HSPA4L: variants seen among roughly 807,000 people sequenced by gnomAD.
The protein encoded by HSPA4L is heat shock 70 kDa protein 4L.
In HSPA4L, 48 loss-of-function variants were observed where a neutral mutation model predicts 100.3. That is an observed-to-expected ratio of 0.48 (90% CI 0.38 to 0.61). HSPA4L has a LOEUF of 0.61. Ranked by LOEUF, HSPA4L falls within the 20% of genes least tolerant of loss-of-function variation. The pLI, the probability that HSPA4L is intolerant of heterozygous loss-of-function variation, is 0.00. For missense variants in HSPA4L, 886 were observed against 988.6 expected, an observed-to-expected ratio of 0.90 and a Z score of 1.39; for synonymous variants, 319 against 328.2, an observed-to-expected ratio of 0.97 and a Z score of 0.30.
chr4:127,808,081 G>C lies in HSPA4L; in HGVS notation c.1330G>C (p.Ala444Pro). 3 of 1,612,630 alleles carry C rather than the reference G, an allele frequency of 1.9e-6. No individual in the cohort carries two copies. The highest frequency in any genetic ancestry group is 2.5e-6 in the Non-Finnish European group (3 of 1,179,090). ...FHKKEPFELE[A>P]FYTNLHEVPY... ...CAAGAAGGAACCATTTGAACTAGAA[G>C]CATTTTATACTAATTTACATGAAGT... is the stretch of plus-strand genomic sequence containing the variant. The change falls in exon 11 of 19, where the codon GCA becomes CCA. Residue 444 changes from alanine to proline, a missense_variant. Coordinates refer to ENST00000296464, the MANE Select transcript of HSPA4L (RefSeq NM_014278.4).
At chr4:127,788,908 C>G (rs1263742295) in intron 1 of HSPA4L, among the ~76,000 whole-genome samples, 1 of 152,152 alleles carries the variant, frequency 6.6e-6, no homozygotes, top group Non-Finnish European at 1.5e-5. Flanking sequence ...TGATTTAAAC[C>G]TATGGATTAC....
Position 127,791,794 on chromosome 4 carries a change from C to T in HSPA4L, c.108-2283C>T, listed in dbSNP as rs147994534. ...TTCCTTGGGTAAGCCTTTCCTGACTCTCCTCCTCTAGGTTAATTCTTGCTG... is the reference window on the plus strand; with the variant it reads ...TTCCTTGGGTAAGCCTTTCCTGACTTTCCTCCTCTAGGTTAATTCTTGCTG... On this transcript the variant is annotated intron_variant, in intron 1 of 18. Coordinates refer to ENST00000296464, the MANE Select transcript of HSPA4L (RefSeq NM_014278.4). Among the ~76,000 whole-genome samples the T allele has an allele frequency of 8.5e-5, 13 of 152,308 alleles. 1 individual carries two copies. The East Asian group carries it at 2.5e-3, about 29-fold the overall frequency.
intron 4 of HSPA4L, among the ~76,000 whole-genome samples, chr4:127,799,850 A>T (rs189067591): frequency 6.6e-6 from 1 of 152,316 alleles, no homozygotes; most frequent in Non-Finnish European, 1.5e-5. Flanking sequence ...TGCTCAATGA[A>T]TATTAAATGA....
intron 14 of HSPA4L, among the ~76,000 whole-genome samples, chr4:127,821,540 T>C (rs1733814679): frequency 6.6e-6 from 1 of 152,152 alleles, no homozygotes; most frequent in African/African-American, 2.4e-5. Context: ...TACTTTTTAT[T>C]TTTACCCTCA....
intron 17 of HSPA4L, among the ~76,000 whole-genome samples, chr4:127,830,354 G>A (rs1042720380): frequency 6.6e-6 from 1 of 151,986 alleles, no homozygotes; most frequent in Non-Finnish European, 1.5e-5. Flanking sequence ...CCATTTCCTT[G>A]CAACTTCTTC....
chr4:127,806,320 C>A (rs1733356562), intron 10 of HSPA4L, among the ~76,000 whole-genome samples: 1 of 151,850 alleles, frequency 6.6e-6, no homozygotes, highest in South Asian at 2.1e-4. Flanking sequence ...CATATTTTTG[C>A]TATTTTAAAC....
chr4:127,783,800 C>G, intron 1 of HSPA4L: 1 of 863,798 alleles, frequency 1.2e-6, no homozygotes, highest in African/African-American at 1.7e-5. Flanking sequence ...CTATGGAAAG[C>G]TTTAAAATAT....
At chr4:127,788,405 G>A (rs1732777485) in intron 1 of HSPA4L, among the ~76,000 whole-genome samples, 1 of 152,074 alleles carries the variant, frequency 6.6e-6, no homozygotes, top group Admixed American at 6.5e-5. Context: ...TTTTTTTAGA[G>A]CATTCTTCCC....
At chr4:127,797,481 A>G (rs1733053460) in intron 3 of HSPA4L, among the ~76,000 whole-genome samples, 1 of 152,188 alleles carries the variant, frequency 6.6e-6, no homozygotes, top group African/African-American at 2.4e-5. Flanking sequence ...AAGCTAGTAG[A>G]AAAAGCTTTG....
rs750485869 is a variant in HSPA4L at position 127,823,629 on chromosome 4, A to AT, written c.2046+12dup. 8.2e-6 allele frequency: 13 copies of AT among 1,585,932 alleles called. No homozygotes were observed. The highest frequency in any genetic ancestry group is 6.7e-5 in the African/African-American group (5 of 74,294). The stretch of plus-strand genomic sequence containing the variant: ...GATAAGCTTCAAGAACTAAAGGTAC[A>AT]TTTTTTTAAAGTCCATGTTAGTATA... On this transcript the variant is annotated splice_donor_region_variant and intron_variant, in intron 16 of 18. Coordinates refer to ENST00000296464, the MANE Select transcript of HSPA4L (RefSeq NM_014278.4).
intron 12 of HSPA4L, among the ~76,000 whole-genome samples, chr4:127,815,552 C>T (rs533114912): frequency 2.0e-5 from 3 of 151,778 alleles, no homozygotes; most frequent in South Asian, 4.2e-4. Context: ...ATCAAAGAAA[C>T]TATATGCTAT....
chr4:127,794,531 C>T (rs972454891), intron 2 of HSPA4L, among the ~76,000 whole-genome samples: 1 of 151,920 alleles, frequency 6.6e-6, no homozygotes, highest in African/African-American at 2.4e-5. Context: ...AGTAACTCAA[C>T]GTGGCTACCA....
chr4:127,809,343 C>A (rs979635248), intron 11 of HSPA4L: 2 of 1,141,258 alleles, frequency 1.8e-6, no homozygotes, highest in Non-Finnish European at 2.7e-6. Context: ...TCACGCTGAG[C>A]CGCAGTATAT....
chr4:127,830,620 CTTT>C lies in HSPA4L; in HGVS notation c.2167-9_2167-7del, dbSNP rs564089588. The C allele has an allele frequency of 4.1e-6, 5 of 1,233,376 alleles. No individual in the cohort carries two copies. Among genetic ancestry groups the C allele is most frequent in the African/African-American group, 1.6e-5 (1 of 62,506 alleles). The allele number at this position is 1,233,376 out of a possible 1,614,324, so 76.4% of individuals were successfully genotyped here. ...GAAAAATCATTAACATGCAGTCAAG[CTTT>C]TTTTTTTTAAATAGGATGAAAGATA... On this transcript the variant is annotated splice_polypyrimidine_tract_variant and intron_variant, in intron 17 of 18. Coordinates refer to ENST00000296464, the MANE Select transcript of HSPA4L (RefSeq NM_014278.4).
At chr4:127,803,591 AT>A in intron 6 of HSPA4L, 37 bp from the exon 7 acceptor site, 1 of 1,463,288 alleles carries the variant, frequency 6.8e-7, no homozygotes, top group Non-Finnish European at 9.1e-7. Flanking sequence ...AAGAATCTAT[AT>A]TTCTGAAAAT....
At chr4:127,832,368 G>A (rs575007012) in intron 18 of HSPA4L, among the ~76,000 whole-genome samples, 2 of 152,076 alleles carry the variant, frequency 1.3e-5, no homozygotes, top group Non-Finnish European at 2.9e-5. Context: ...AGCATTACAC[G>A]TAATTTAAAG....
At chr4:127,787,321 T>C (rs879585553) in intron 1 of HSPA4L, among the ~76,000 whole-genome samples, 1 of 152,192 alleles carries the variant, frequency 6.6e-6, no homozygotes, top group Non-Finnish European at 1.5e-5. Flanking sequence ...GAAGAGGCTT[T>C]TACCTTTTTT....
At chr4:127,820,885 C>T (rs913235198) in intron 14 of HSPA4L, among the ~76,000 whole-genome samples, 5 of 152,068 alleles carry the variant, frequency 3.3e-5, no homozygotes, top group Non-Finnish European at 7.4e-5. Flanking sequence ...AGCTGCTCCC[C>T]TCTTCTCCTG....
intron 6 of HSPA4L, 103 bp downstream of exon 6, chr4:127,802,021 C>T: frequency 2.4e-6 from 2 of 826,446 alleles, no homozygotes; most frequent in South Asian, 2.4e-5. Context: ...TAAACTATGA[C>T]CTCAAGCAAG....
Sources: gnomAD v4.1 joint callset for allele counts (sites outside exome capture counted in the v4.1 genomes callset) on GRCh38, gnomAD v4.1.1 for gene constraint, MANE v1.5 for transcripts, NCBI Gene and HGNC (gene_info 2026-07-23, HGNC 2026-07-21) for gene names.